Variants in CFDP1 observed in about 807,000 individuals in gnomAD.
CFDP1 encodes the protein heterochromatin-stabilizing protein CFDP1.
A neutral mutation model predicts 40.1 loss-of-function variants in CFDP1; 31 were observed. The observed-to-expected ratio is 0.77, with a 90% CI of 0.58 to 1.04. The LOEUF (loss-of-function observed/expected upper bound fraction) is 1.04, where lower values mean the gene tolerates loss of function less well. CFDP1 is among the 50% of genes least tolerant of loss of function. The probability of loss-of-function intolerance (pLI) is 0.00; values close to 1 mark genes in which losing one functional copy is unlikely to be tolerated. For missense variants in CFDP1, 423 were observed against 343.4 expected (o/e 1.23, Z -1.83); for synonymous variants, 167 against 120.0 (o/e 1.39, Z -2.56).
rs574112292 is a variant in CFDP1, at chr16:75,420,861, G to C, written c.65-6166C>G. Among the ~76,000 whole-genome samples, 12 of 152,218 alleles carry C rather than the reference G, an allele frequency of 7.9e-5. No homozygotes were observed. The South Asian group carries it at 2.5e-3, about 32-fold the overall frequency. On this transcript the variant is annotated intron_variant, in intron 1 of 6. Coordinates refer to ENST00000283882, the MANE Select transcript of CFDP1 (RefSeq NM_006324.3). ...TCAACTATTTTTTTTATTTTTAAGT[G>C]ATTTTTAATTTAACTGTCTGCATTT...
chr16:75,346,582 C>CAAAAAAAAAAAAAAAAAAA (rs748081401), intron 5 of CFDP1, among the ~76,000 whole-genome samples: 5 of 59,346 alleles, frequency 8.4e-5, no homozygotes, highest in Non-Finnish European at 1.5e-4. Flanking sequence ...GACTCTGTCT[C>CAAAAAAAAAAAAAAAAAAA]AAAAAAAAAA....
At chr16:75,387,555 A>G (rs2078909937) in intron 5 of CFDP1, among the ~76,000 whole-genome samples, 1 of 152,208 alleles carries the variant, frequency 6.6e-6, no homozygotes, top group African/African-American at 2.4e-5. Flanking sequence ...CTAGTTCCTG[A>G]AACATCCTAT....
At chr16:75,388,137 A>G (rs978445599) in intron 5 of CFDP1, among the ~76,000 whole-genome samples, 3 of 152,234 alleles carry the variant, frequency 2.0e-5, no homozygotes, top group Non-Finnish European at 2.9e-5. Flanking sequence ...TCAACTATGT[A>G]ACTTCAACAA....
Position 75,370,297 on chromosome 16 carries a change from T to C in CFDP1, c.650+24793A>G, listed in dbSNP as rs960298924. On this transcript the variant is annotated intron_variant, in intron 5 of 6. Transcript: ENST00000283882. ...TAGTAGAGATGGGGTTTCGCCATGT[T>C]GGCCAGGCTGGTCTCGAACTCCTGA... Among the ~76,000 whole-genome samples the C allele has an allele frequency of 2.0e-5, 3 of 151,696 alleles. No homozygotes were observed. The South Asian group carries it at 6.3e-4, about 32-fold the overall frequency.
intron 5 of CFDP1, among the ~76,000 whole-genome samples, chr16:75,330,984 A>AC (rs2078442281): frequency 8.9e-6 from 1 of 111,894 alleles, no homozygotes; most frequent in African/African-American, 2.9e-5. Context: ...AAAAAAAAAA[A>AC]ACACAAAGTG....
Position 75,305,168 on chromosome 16 carries a change from C to G in CFDP1, c.665G>C (p.Ser222Thr). The G allele has an allele frequency of 1.9e-6, 3 of 1,614,050 alleles. No individual in the cohort carries two copies. The highest frequency in any genetic ancestry group is 1.7e-6 in the Non-Finnish European group (2 of 1,179,986). The part of the protein sequence containing the change: ...LPAGSGLKRS[S>T]GMSSLLGKIG... ...TTTCCCCAAAAGGCTGCTCATGCCA[C>G]TTGATCTTTTTAACCTAAGGAAAGA... Residue 222 changes from serine to threonine, a missense_variant, in exon 6 of 7, where the codon AGT becomes ACT. Transcript: ENST00000283882.
chr16:75,429,225 A>G (rs996346187), intron 1 of CFDP1, among the ~76,000 whole-genome samples: 3 of 152,252 alleles, frequency 2.0e-5, no homozygotes, highest in Non-Finnish European at 4.4e-5. Context: ...ATTTATTAAT[A>G]GCAACATGGG....
At chr16:75,427,745 G>T (rs1354332211) in intron 1 of CFDP1, among the ~76,000 whole-genome samples, 1 of 152,142 alleles carries the variant, frequency 6.6e-6, no homozygotes, top group East Asian at 1.9e-4. Flanking sequence ...CCTAGATATT[G>T]ACTCAAGTGA....
At chr16:75,423,659 C>T (rs1262569971) in intron 1 of CFDP1, among the ~76,000 whole-genome samples, 1 of 152,064 alleles carries the variant, frequency 6.6e-6, no homozygotes, top group Non-Finnish European at 1.5e-5. Context: ...GGACTACAGG[C>T]ACCCGCCACC....
At chr16:75,407,704 G>C (rs947156910) in intron 4 of CFDP1, among the ~76,000 whole-genome samples, 1 of 151,372 alleles carries the variant, frequency 6.6e-6, no homozygotes, top group Admixed American at 6.6e-5. Context: ...AGGAAATTTG[G>C]GCTTCCAGAA....
At chr16:75,421,722 G>A (rs1046928753) in intron 1 of CFDP1, among the ~76,000 whole-genome samples, 5 of 152,130 alleles carry the variant, frequency 3.3e-5, no homozygotes, top group African/African-American at 1.2e-4. Flanking sequence ...TGCATTATCT[G>A]ATACTAAAAT....
intron 5 of CFDP1, among the ~76,000 whole-genome samples, chr16:75,313,648 T>C (rs1487610264): frequency 6.6e-6 from 1 of 152,238 alleles, no homozygotes; most frequent in Non-Finnish European, 1.5e-5. Flanking sequence ...ATGTGAGTTT[T>C]AAGGTGTGCG....
intron 5 of CFDP1, among the ~76,000 whole-genome samples, chr16:75,366,003 A>C (rs1230728005): frequency 6.6e-6 from 1 of 152,198 alleles, no homozygotes; most frequent in African/African-American, 2.4e-5. Flanking sequence ...TTTGAAAATA[A>C]TTTACCAGCC....
chr16:75,307,141 A>C (rs2078264327), intron 5 of CFDP1, among the ~76,000 whole-genome samples: 2 of 152,002 alleles, frequency 1.3e-5, no homozygotes, highest in Non-Finnish European at 2.9e-5. Context: ...CTGTAATTAG[A>C]CTGAATTTTC....
chr16:75,392,264 G>A (rs914975465), intron 5 of CFDP1, among the ~76,000 whole-genome samples: 2 of 151,794 alleles, frequency 1.3e-5, no homozygotes, highest in Non-Finnish European at 2.9e-5. Context: ...AATTAGCCAG[G>A]CGTGGCAGCA....
intron 5 of CFDP1, among the ~76,000 whole-genome samples, chr16:75,341,556 CCT>C (rs2078527123): frequency 6.6e-6 from 1 of 151,954 alleles, no homozygotes; most frequent in Non-Finnish European, 1.5e-5. Flanking sequence ...TCAAGGGAAC[CCT>C]CTCAGTGAGG....
Position 75,432,772 on chromosome 16 carries a change from T to G in CFDP1, c.64+517A>C, listed in dbSNP as rs148117038. On this transcript the variant is annotated intron_variant, in intron 1 of 6. Transcript: ENST00000283882. Reference sequence around the variant, plus strand: ...CTCACCCCGTTCGGGTTGAGATCCCTAAGGAAAGAAAGTTCTGAGAGGAGA... The same window carrying G: ...CTCACCCCGTTCGGGTTGAGATCCCGAAGGAAAGAAAGTTCTGAGAGGAGA... Among the ~76,000 whole-genome samples, 336 of 152,248 alleles carry G rather than the reference T, an allele frequency of 2.2e-3. 2 individuals are homozygous for G. The highest frequency in any genetic ancestry group is 0.01 in the Middle Eastern group (3 of 294).
At chr16:75,432,589 G>C (rs2151611688) in intron 1 of CFDP1, among the ~76,000 whole-genome samples, 2 of 152,094 alleles carry the variant, frequency 1.3e-5, no homozygotes, top group East Asian at 3.9e-4. Context: ...AAAGAGAATA[G>C]GGACGACTCC....
intron 5 of CFDP1, among the ~76,000 whole-genome samples, chr16:75,312,666 C>G (rs995784960): frequency 4.6e-5 from 7 of 152,162 alleles, no homozygotes; most frequent in Non-Finnish European, 7.4e-5. Flanking sequence ...ACAGAAAGCC[C>G]TTGCCAACCC....
Sources: allele counts gnomAD v4.1 joint callset (sites outside exome capture counted in the v4.1 genomes callset), GRCh38; gene constraint gnomAD v4.1.1; transcripts MANE v1.5; gene names NCBI Gene and HGNC (gene_info 2026-07-23, HGNC 2026-07-21).